Variants in TPD52L1 observed in about 807,000 individuals in gnomAD.
TPD52L1 encodes the protein TPD52 like 1.
A neutral mutation model predicts 28.7 loss-of-function variants in TPD52L1; 18 were observed. That is an observed-to-expected ratio of 0.63 (90% CI 0.43 to 0.93). TPD52L1 has a LOEUF of 0.93. Ranked by LOEUF, TPD52L1 falls within the 40% of genes least tolerant of loss-of-function variation. The pLI, the probability that TPD52L1 is intolerant of heterozygous loss-of-function variation, is 0.00. For synonymous variants in TPD52L1, 75 were observed against 88.8 expected (o/e 0.84, Z 0.88); for missense variants, 203 against 254.8 (o/e 0.80, Z 1.39).
At chr6:125,163,916 CAA>C (rs779811391) in intron 1 of TPD52L1, among the ~76,000 whole-genome samples, 21 of 73,224 alleles carry the variant, frequency 2.9e-4, no homozygotes, top group Non-Finnish European at 3.7e-4. Flanking sequence ...CACTCTGTCT[CAA>C]AAAAAAAAAA....
At chr6:125,180,762 C>G (rs918801716) in intron 1 of TPD52L1, among the ~76,000 whole-genome samples, 1 of 152,148 alleles carries the variant, frequency 6.6e-6, no homozygotes, top group Non-Finnish European at 1.5e-5. Context: ...TCTAATGATG[C>G]ATTCAGGTAT....
intron 1 of TPD52L1, among the ~76,000 whole-genome samples, chr6:125,172,326 T>G (rs1399706124): frequency 1.4e-5 from 2 of 140,812 alleles, no homozygotes; most frequent in Non-Finnish European, 3.1e-5. Flanking sequence ...GACAGAGTCT[T>G]TCTCGTCACC....
At chr6:125,213,130 C>T (rs1443065530) in intron 1 of TPD52L1, among the ~76,000 whole-genome samples, 2 of 152,120 alleles carry the variant, frequency 1.3e-5, no homozygotes, top group Non-Finnish European at 2.9e-5. Flanking sequence ...TTTTTTTAAC[C>T]TATACTTGGT....
At chr6:125,193,794 A>G (rs1271775599) in intron 1 of TPD52L1, among the ~76,000 whole-genome samples, 1 of 152,146 alleles carries the variant, frequency 6.6e-6, no homozygotes, top group Non-Finnish European at 1.5e-5. Flanking sequence ...GCAAGCTGTT[A>G]TACATTCATT....
intron 6 of TPD52L1, chr6:125,262,056 A>G (rs768942411): frequency 6.6e-6 from 1 of 152,262 alleles, no homozygotes; most frequent in Non-Finnish European, 1.5e-5. Flanking sequence ...AGGAAGGAGA[A>G]GTGCTGAACA....
At position 125,260,906 on chromosome 6, in the gene TPD52L1, A is replaced by AAGGAAAGAAAGAAAG. The variant is rs139147177; in HGVS notation, c.487-1926_487-1912dup. 14 of 113,248 alleles carry AAGGAAAGAAAGAAAG rather than the reference A, an allele frequency of 1.2e-4. 4 individuals are homozygous for AAGGAAAGAAAGAAAG. The highest frequency in any genetic ancestry group is 4.9e-4 in the Admixed American group (5 of 10,200). The allele number at this position is 113,248 out of a possible 1,614,324, so 7.0% of individuals were successfully genotyped here. A position where few individuals can be genotyped will look rare whatever the true frequency, so the allele number is the denominator to read the frequency against. Reference sequence around the variant, plus strand: ...GAAAAAGAAAAGAGAGGGAGAAAGAAAGGAAAGAAAGAAAGAAGAAAGAAA... The same window carrying AAGGAAAGAAAGAAAG: ...GAAAAAGAAAAGAGAGGGAGAAAGAAAGGAAAGAAAGAAAGAGGAAAGAAAGAAAGAAGAAAGAAA... On this transcript the variant is annotated intron_variant, in intron 6 of 6. Transcript: ENST00000534000.
intron 6 of TPD52L1, chr6:125,260,371 C>T (rs1443002558): frequency 6.6e-6 from 1 of 152,142 alleles, no homozygotes; most frequent in African/African-American, 2.4e-5. Flanking sequence ...TGACCACTTT[C>T]TTTTGAATGG....
rs943277726 is a variant in TPD52L1, at chr6:125,219,955, A to C, written c.20-123A>C. On this transcript the variant is annotated intron_variant, in intron 1 of 6. Transcript: ENST00000534000. Reference sequence around the variant, plus strand: ...TTAGGAGGATTTTTGTCTTTTCTGGAATTTTTAGTTGTTTTTTGGTGGGAG... The same window carrying C: ...TTAGGAGGATTTTTGTCTTTTCTGGCATTTTTAGTTGTTTTTTGGTGGGAG... 3.3e-5 allele frequency: 25 copies of C among 753,510 alleles called. No individual in the cohort carries two copies. The Admixed American group carries it at 5.0e-4, about 15-fold the overall frequency. The allele number at this position is 753,510 out of a possible 1,614,324, so 46.7% of individuals were successfully genotyped here.
chr6:125,257,985 C>T (rs576430846), intron 6 of TPD52L1, among the ~76,000 whole-genome samples: 1 of 152,224 alleles, frequency 6.6e-6, no homozygotes, highest in East Asian at 1.9e-4. Flanking sequence ...TATACGTGAT[C>T]TTTAACCAGA....
intron 3 of TPD52L1, among the ~76,000 whole-genome samples, chr6:125,236,559 A>G (rs1240632619): frequency 6.6e-6 from 1 of 152,258 alleles, no homozygotes; most frequent in Non-Finnish European, 1.5e-5. Context: ...TACATGGAAA[A>G]GCTTAAAAGA....
At chr6:125,191,798 C>T (rs912516435) in intron 1 of TPD52L1, among the ~76,000 whole-genome samples, 1 of 152,138 alleles carries the variant, frequency 6.6e-6, no homozygotes, top group Admixed American at 6.5e-5. Flanking sequence ...TCTCCCCCTC[C>T]CTTCTGTTCA....
At chr6:125,155,393 T>A (rs757351916) in intron 1 of TPD52L1, among the ~76,000 whole-genome samples, 4 of 152,202 alleles carry the variant, frequency 2.6e-5, no homozygotes, top group Admixed American at 6.5e-5. Flanking sequence ...CTTATATTAG[T>A]GAGGATGGAG....
chr6:125,226,674 G>A (rs373067883), intron 2 of TPD52L1, among the ~76,000 whole-genome samples: 6 of 137,218 alleles, frequency 4.4e-5, no homozygotes, highest in South Asian at 4.8e-4. Context: ...CCCCACCCCC[G>A]CCGAGAAAAA....
intron 1 of TPD52L1, among the ~76,000 whole-genome samples, chr6:125,216,496 C>T (rs1306697232): frequency 7.6e-6 from 1 of 130,760 alleles, no homozygotes; most frequent in Non-Finnish European, 1.6e-5. Context: ...AATAAATAAA[C>T]CAAGTTTGCA....
intron 1 of TPD52L1, chr6:125,203,608 G>A (rs1793933744): frequency 1.0e-6 from 1 of 985,192 alleles, no homozygotes; most frequent in African/African-American, 1.7e-5. Context: ...TTTGAGTTTG[G>A]TCACTGAAAT....
In TPD52L1 at chr6:125,256,191, T is replaced by C. The variant is rs571308258; in HGVS notation, c.426-907T>C. Among the ~76,000 whole-genome samples the C allele has an allele frequency of 2.0e-5, 3 of 151,846 alleles. No individual in the cohort carries two copies. In the South Asian group the frequency reaches 6.3e-4, roughly 32 times the overall value. On this transcript the variant is annotated intron_variant, in intron 5 of 6. Coordinates refer to ENST00000534000, the MANE Select transcript of TPD52L1 (RefSeq NM_003287.4). ...GGTGAAACCCCATCTCTACTAAAAA[T>C]TCAAAAAAAATAGCTGGATGTGGTG...
In TPD52L1 at chr6:125,201,507, G is replaced by C. The variant is rs369035878; in HGVS notation, c.20-18571G>C. Among the ~76,000 whole-genome samples the C allele has an allele frequency of 1.2e-4, 18 of 152,102 alleles. No individual in the cohort carries two copies. The East Asian group carries it at 3.1e-3, about 26-fold the overall frequency. The stretch of plus-strand genomic sequence containing the variant: ...TCCTTAGGTTTGCACCTTTTTTTCT[G>C]TAAGATTGATTCTCAAAAGTGGGAT... On this transcript the variant is annotated intron_variant, in intron 1 of 6. Coordinates refer to ENST00000534000, the MANE Select transcript of TPD52L1 (RefSeq NM_003287.4).
intron 3 of TPD52L1, among the ~76,000 whole-genome samples, chr6:125,242,488 T>A (rs1796674499): frequency 6.6e-6 from 1 of 152,162 alleles, no homozygotes; most frequent in Non-Finnish European, 1.5e-5. Context: ...TCGGTGCATA[T>A]GTATTTAGGA....
intron 1 of TPD52L1, among the ~76,000 whole-genome samples, chr6:125,160,040 C>G (rs1790417022): frequency 6.6e-6 from 1 of 152,136 alleles, no homozygotes; most frequent in South Asian, 2.1e-4. Flanking sequence ...TTGCCTGCCA[C>G]CATGTGAGAT....
Sources: gnomAD v4.1 joint callset for allele counts (sites outside exome capture counted in the v4.1 genomes callset) on GRCh38, gnomAD v4.1.1 for gene constraint, MANE v1.5 for transcripts, NCBI Gene and HGNC (gene_info 2026-07-23, HGNC 2026-07-21) for gene names.